Variants in COL11A1 observed in about 807,000 individuals in gnomAD.
The protein encoded by COL11A1 is collagen alpha-1(XI) chain.
In COL11A1, 74 loss-of-function variants were observed where a neutral mutation model predicts 265.2. The ratio of observed to expected loss-of-function variants is 0.28; its 90% CI spans 0.23 to 0.34. COL11A1 has a LOEUF of 0.34. COL11A1 is among the 10% of genes least tolerant of loss of function. COL11A1 has a pLI of 1.00. For missense variants in COL11A1, 2,165 were observed against 2,263.6 expected (o/e 0.96, Z 0.88); for synonymous variants, 816 against 727.6 (o/e 1.12, Z -1.96).
intron 52 of COL11A1, among the ~76,000 whole-genome samples, chr1:102,914,065 A>G (rs1009229149): frequency 2.0e-5 from 3 of 152,222 alleles, no homozygotes; most frequent in Non-Finnish European, 2.9e-5. Context: ...CTTTGAAATA[A>G]TAATAATGAT....
At chr1:102,962,793 C>T (rs1661047901) in intron 38 of COL11A1, 33 bp from the exon 39 acceptor site, 1 of 1,589,962 alleles carries the variant, frequency 6.3e-7, no homozygotes, top group Non-Finnish European at 8.6e-7. Context: ...CTTTAGATTG[C>T]TCTTTTATTT....
intron 1 of COL11A1, chr1:103,100,306 T>G (rs1011789352): frequency 6.6e-5 from 10 of 151,940 alleles, no homozygotes; most frequent in African/African-American, 2.2e-4. Context: ...AGCAATGATC[T>G]ATAAGAGTTC....
intron 4 of COL11A1, among the ~76,000 whole-genome samples, chr1:103,058,562 T>A (rs1670411416): frequency 6.6e-6 from 1 of 152,216 alleles, no homozygotes; most frequent in South Asian, 2.1e-4. Flanking sequence ...TAGCTTTTGA[T>A]CTCAAGTGAC....
At position 103,047,442 on chromosome 1, in the gene COL11A1, C is replaced by T. The variant is rs567074670; in HGVS notation, c.652-16198G>A. Among the ~76,000 whole-genome samples, 262 of 152,222 alleles carry T rather than the reference C, an allele frequency of 1.7e-3. 4 individuals carry two copies. In the South Asian group the frequency reaches 0.052, roughly 30 times the overall value. On this transcript the variant is annotated intron_variant, in intron 4 of 66. Coordinates refer to ENST00000370096, the MANE Select transcript of COL11A1 (RefSeq NM_001854.4). ...TGTATAAGAATGTTTGTGATTTTTG[C>T]ACATTGATTTTGTATCCTGAGACTT... is the stretch of plus-strand genomic sequence containing the variant.
chr1:102,932,078 T>C (rs1395580694), intron 46 of COL11A1, among the ~76,000 whole-genome samples: 1 of 150,974 alleles, frequency 6.6e-6, no homozygotes. Flanking sequence ...AATTGGAGCA[T>C]TTAGTCCATT....
At position 103,018,865 on chromosome 1, in the gene COL11A1, A is replaced by G; in HGVS notation, c.1309-6T>C. 6.2e-7 allele frequency: 1 copy of G among 1,611,394 alleles called. No homozygotes were observed. Among genetic ancestry groups the G allele is most frequent in the South Asian group, 1.1e-5 (1 of 90,932 alleles). On this transcript the variant is annotated splice_region_variant and splice_polypyrimidine_tract_variant and intron_variant, in intron 9 of 66. Transcript: ENST00000370096. ...GGTCCTTCGACAAGCATACCCTATA[A>G]CAGGAAAAGAGAACATCTCTACCAG...
At chr1:103,038,057 A>T (rs1668511326) in intron 4 of COL11A1, among the ~76,000 whole-genome samples, 1 of 152,184 alleles carries the variant, frequency 6.6e-6, no homozygotes, top group Admixed American at 6.5e-5. Context: ...AATCTTGATG[A>T]TTTGTTAAAA....
chr1:102,902,557 T>A (rs1338153924), intron 54 of COL11A1, among the ~76,000 whole-genome samples: 1 of 152,016 alleles, frequency 6.6e-6, no homozygotes, highest in Non-Finnish European at 1.5e-5. Flanking sequence ...TTAATACTCT[T>A]CTTGAACTAT....
chr1:103,061,663 A>C (rs2102201879), intron 4 of COL11A1, among the ~76,000 whole-genome samples: 1 of 152,158 alleles, frequency 6.6e-6, no homozygotes, highest in East Asian at 1.9e-4. Context: ...ATTTAAAAAT[A>C]TTATAAACAA....
At chr1:102,984,662 TACTTA>T (rs1342019850) in intron 30 of COL11A1, among the ~76,000 whole-genome samples, 1 of 152,080 alleles carries the variant, frequency 6.6e-6, no homozygotes, top group Non-Finnish European at 1.5e-5. Context: ...GATCATGAGT[TACTTA>T]ACTTTTCTCA....
intron 62 of COL11A1, 148 bp downstream of exon 62, chr1:102,888,429 A>G: frequency 1.4e-6 from 1 of 720,544 alleles, no homozygotes; most frequent in Non-Finnish European, 2.4e-6. Context: ...TGGCATGTAG[A>G]TTTGATTACT....
At position 103,006,141 on chromosome 1, in the gene COL11A1, G is replaced by A; in HGVS notation, c.1738-20C>T. 1 of 1,602,036 alleles carries A rather than the reference G, an allele frequency of 6.2e-7. No individual in the cohort carries two copies. The highest frequency in any genetic ancestry group is 8.5e-7 in the Non-Finnish European group (1 of 1,172,628). On this transcript the variant is annotated intron_variant, in intron 16 of 66. Coordinates refer to ENST00000370096, the MANE Select transcript of COL11A1 (RefSeq NM_001854.4). The stretch of plus-strand genomic sequence containing the variant: ...ACGACCCTAATAATGCCAACAGCAT[G>A]ATTAAGCGAAGTGACTTTTATTACT...
intron 9 of COL11A1, among the ~76,000 whole-genome samples, chr1:103,019,499 T>G (rs572355605): frequency 6.6e-6 from 1 of 151,428 alleles, no homozygotes; most frequent in South Asian, 2.1e-4. Context: ...CTGAAAAAAA[T>G]ATTTTCAACA....
intron 4 of COL11A1, among the ~76,000 whole-genome samples, chr1:103,062,998 G>A (rs1381349897): frequency 2.6e-5 from 4 of 151,876 alleles, no homozygotes; most frequent in Non-Finnish European, 5.9e-5. Flanking sequence ...AAATACATAT[G>A]TATAAATGTA....
intron 54 of COL11A1, among the ~76,000 whole-genome samples, chr1:102,904,354 A>G (rs1653623595): frequency 6.6e-6 from 1 of 152,196 alleles, no homozygotes; most frequent in Non-Finnish European, 1.5e-5. Flanking sequence ...CAATGGCAAC[A>G]AAAGCCAAAA....
chr1:102,962,834 T>C, intron 38 of COL11A1, 74 bp from the exon 39 acceptor site: 1 of 1,259,888 alleles, frequency 7.9e-7, no homozygotes, highest in Non-Finnish European at 1.2e-6. Context: ...TCAAAAACAG[T>C]ATTATTACAT....
At chr1:102,940,828 C>T (rs1213631414) in intron 42 of COL11A1, among the ~76,000 whole-genome samples, 1 of 152,046 alleles carries the variant, frequency 6.6e-6, no homozygotes, top group Non-Finnish European at 1.5e-5. Flanking sequence ...CTCATATGTC[C>T]AACTTTGCCA....
intron 4 of COL11A1, among the ~76,000 whole-genome samples, chr1:103,051,097 G>C (rs146633593): frequency 6.6e-6 from 1 of 152,132 alleles, no homozygotes; most frequent in Non-Finnish European, 1.5e-5. Flanking sequence ...CTCAAGCTGC[G>C]TGCTGGGTGA....
intron 36 of COL11A1, among the ~76,000 whole-genome samples, chr1:102,971,027 A>AAAC (rs67554475): frequency 0.012 from 249 of 21,646 alleles, 3 homozygotes; most frequent in African/African-American, 0.019. Context: ...CAAAACAAAC[A>AAAC]AAAAAAAACC....
Sources: allele counts gnomAD v4.1 joint callset (sites outside exome capture counted in the v4.1 genomes callset), GRCh38; gene constraint gnomAD v4.1.1; transcripts MANE v1.5; gene names NCBI Gene and HGNC (gene_info 2026-07-23, HGNC 2026-07-21).